The following CSMD1 variants were observed in gnomAD, a reference collection of about 807,000 sequenced individuals.
The protein encoded by CSMD1 is CUB and sushi domain-containing protein 1.
Under a neutral mutation model 417.5 loss-of-function variants are expected in CSMD1, and 213 were observed. The ratio of observed to expected loss-of-function variants is 0.51; its 90% CI spans 0.46 to 0.57. The LOEUF is 0.57. Ranked by LOEUF, CSMD1 falls within the 20% of genes least tolerant of loss-of-function variation. CSMD1 has a pLI of 0.00. For synonymous variants in CSMD1, 2,862 were observed against 1,736.8 expected (o/e 1.65, Z -16.11); for missense variants, 6,923 against 4,529.7 (o/e 1.53, Z -15.17).
intron 2 of CSMD1, among the ~76,000 whole-genome samples, chr8:4,524,771 A>C (rs1277740129): frequency 6.6e-6 from 1 of 152,100 alleles, no homozygotes; most frequent in Non-Finnish European, 1.5e-5. Flanking sequence ...CTATCGACAA[A>C]GTATTTAGAA....
At chr8:4,880,010 GATTT>G (rs1803293566) in intron 1 of CSMD1, among the ~76,000 whole-genome samples, 1 of 152,028 alleles carries the variant, frequency 6.6e-6, no homozygotes, top group African/African-American at 2.4e-5. Flanking sequence ...TCCATTGGCT[GATTT>G]ATTTCTGGCT....
intron 7 of CSMD1, among the ~76,000 whole-genome samples, chr8:3,699,176 T>C (rs1158892021): frequency 6.6e-6 from 1 of 152,232 alleles, no homozygotes; most frequent in Non-Finnish European, 1.5e-5. Context: ...GGAAAATTAG[T>C]ACATTACACT....
chr8:4,062,566 A>C (rs1185711101), intron 3 of CSMD1, among the ~76,000 whole-genome samples: 1 of 152,146 alleles, frequency 6.6e-6, no homozygotes, highest in East Asian at 1.9e-4. Flanking sequence ...CGTGAAACAT[A>C]TCCTATAAAA....
At chr8:3,411,974 A>G (rs1812793645) in intron 12 of CSMD1, among the ~76,000 whole-genome samples, 1 of 61,552 alleles carries the variant, frequency 1.6e-5, no homozygotes, top group South Asian at 5.4e-4. Context: ...ATGCACGTAT[A>G]TATACACGTA....
Position 3,468,853 on chromosome 8 carries a change from T to C in CSMD1, c.1449-29A>G. 2.1e-6 allele frequency: 3 copies of C among 1,461,068 alleles called. No individual in the cohort carries two copies. The East Asian group carries it at 7.2e-5, about 35-fold the overall frequency. The allele number at this position is 1,461,068 out of a possible 1,614,324, so 90.5% of individuals were successfully genotyped here. A position where few individuals can be genotyped will look rare whatever the true frequency, so the allele number is the denominator to read the frequency against. ...CAAGAAAGAGAAATGTCAAAGCTTT[T>C]AGGTAAGGCAACAAGTACATCGACT... On this transcript the variant is annotated intron_variant, in intron 11 of 69. Transcript: ENST00000635120.
intron 5 of CSMD1, among the ~76,000 whole-genome samples, chr8:3,957,566 C>G (rs1812041098): frequency 6.6e-6 from 1 of 152,046 alleles, no homozygotes; most frequent in Admixed American, 6.6e-5. Flanking sequence ...TACTTGTAGT[C>G]CCAGCTACTC....
chr8:4,487,047 C>G (rs748291454), intron 2 of CSMD1, among the ~76,000 whole-genome samples: 1 of 152,150 alleles, frequency 6.6e-6, no homozygotes, highest in Non-Finnish European at 1.5e-5. Context: ...ATTGTAATAT[C>G]TTTCCGCTTT....
chr8:3,211,739 C>T (rs982451021), intron 30 of CSMD1, among the ~76,000 whole-genome samples: 6 of 152,206 alleles, frequency 3.9e-5, no homozygotes, highest in Admixed American at 1.3e-4. Context: ...CTCACAAGCC[C>T]GGCCCTGCCC....
At chr8:3,642,847 G>C (rs1266261025) in intron 7 of CSMD1, among the ~76,000 whole-genome samples, 1 of 151,596 alleles carries the variant, frequency 6.6e-6, no homozygotes, top group Non-Finnish European at 1.5e-5. Flanking sequence ...TTGTGTATGT[G>C]TATATCTATA....
chr8:3,362,116 G>A lies in CSMD1; in HGVS notation c.3116-2776C>T, dbSNP rs549525385. 5.9e-5 allele frequency among the ~76,000 whole-genome samples: 9 copies of A among 151,928 alleles called. No homozygotes were observed. The South Asian group carries it at 6.2e-4, about 11-fold the overall frequency. On this transcript the variant is annotated intron_variant, in intron 20 of 69. Transcript: ENST00000635120. ...TATTTCCATCAAGATAAAAATATGCGTTACACGGTCAATCTTAAGAATGAG... is the reference window on the plus strand; with the variant it reads ...TATTTCCATCAAGATAAAAATATGCATTACACGGTCAATCTTAAGAATGAG...
At chr8:2,947,294 T>C (rs1171861910) in intron 68 of CSMD1, among the ~76,000 whole-genome samples, 1 of 152,222 alleles carries the variant, frequency 6.6e-6, no homozygotes, top group Non-Finnish European at 1.5e-5. Flanking sequence ...TTAATGACAA[T>C]CACGTTTTTT....
intron 38 of CSMD1, among the ~76,000 whole-genome samples, chr8:3,161,891 G>T (rs145121694): frequency 2.0e-5 from 3 of 152,152 alleles, no homozygotes; most frequent in Non-Finnish European, 4.4e-5. Flanking sequence ...CCCCTAGAAT[G>T]CTCTGTGCAT....
chr8:4,948,168 T>C (rs780864962), intron 1 of CSMD1, among the ~76,000 whole-genome samples: 36 of 152,072 alleles, frequency 2.4e-4, no homozygotes, highest in African/African-American at 3.6e-4. Flanking sequence ...TAATGATCAA[T>C]TTATTTTTAC....
chr8:4,915,050 T>C (rs1462215626), intron 1 of CSMD1, among the ~76,000 whole-genome samples: 2 of 152,130 alleles, frequency 1.3e-5, no homozygotes, highest in African/African-American at 2.4e-5. Context: ...GTGGAGGGAA[T>C]AGAAATTGAA....
chr8:3,278,342 G>A (rs1485115986), intron 26 of CSMD1: 4 of 152,094 alleles, frequency 2.6e-5, no homozygotes, highest in Non-Finnish European at 5.9e-5. Flanking sequence ...ATGTGTCCAA[G>A]AAAACAAATA....
At chr8:3,456,085 T>G (rs907439004) in intron 12 of CSMD1, among the ~76,000 whole-genome samples, 2 of 152,182 alleles carry the variant, frequency 1.3e-5, no homozygotes, top group African/African-American at 4.8e-5. Flanking sequence ...TGAGCAAGCC[T>G]TCATGGGCGT....
At chr8:3,103,354 A>C (rs1394221812) in intron 46 of CSMD1, among the ~76,000 whole-genome samples, 1 of 152,160 alleles carries the variant, frequency 6.6e-6, no homozygotes, top group Non-Finnish European at 1.5e-5. Context: ...AGGAACACTT[A>C]AACACACCCA....
At chr8:3,397,880 C>G (rs968700796) in intron 16 of CSMD1, among the ~76,000 whole-genome samples, 1 of 152,170 alleles carries the variant, frequency 6.6e-6, no homozygotes, top group Non-Finnish European at 1.5e-5. Context: ...TTTGTGCGCA[C>G]AATCCCATCC....
At chr8:4,396,680 A>G (rs910006763) in intron 3 of CSMD1, among the ~76,000 whole-genome samples, 5 of 151,954 alleles carry the variant, frequency 3.3e-5, no homozygotes, top group African/African-American at 4.8e-5. Flanking sequence ...CACACACCCA[A>G]TGGAATACCG....
Sources: gnomAD v4.1 joint callset for allele counts (sites outside exome capture counted in the v4.1 genomes callset) on GRCh38, gnomAD v4.1.1 for gene constraint, MANE v1.5 for transcripts, NCBI Gene and HGNC (gene_info 2026-07-23, HGNC 2026-07-21) for gene names.